Variants in PDE4D observed in about 807,000 individuals in gnomAD.
PDE4D encodes the protein phosphodiesterase 4D.
PDE4D carries 24 observed loss-of-function variants against 87.4 expected under a neutral mutation model. The ratio of observed to expected loss-of-function variants is 0.27; its 90% CI spans 0.20 to 0.39. The LOEUF is 0.39. Ranked by LOEUF, PDE4D falls within the 10% of genes least tolerant of loss-of-function variation. The pLI is 1.00. For missense variants in PDE4D, 714 were observed against 1,041.0 expected, an observed-to-expected ratio of 0.69 and a Z score of 4.32; for synonymous variants, 384 against 383.2, an observed-to-expected ratio of 1.00 and a Z score of -0.02.
chr5:60,489,452 T>C (rs539000243), upstream of PDE4D, among the ~76,000 whole-genome samples: 1 of 152,330 alleles, frequency 6.6e-6, no homozygotes, highest in South Asian at 2.1e-4. Context: ...TGCACTTTTT[T>C]TGGCTGTAGA....
At chr5:59,900,542 T>G (rs749380524) in intron 3 of PDE4D, among the ~76,000 whole-genome samples, 2 of 152,072 alleles carry the variant, frequency 1.3e-5, no homozygotes, top group Admixed American at 6.6e-5. Context: ...GAAATGTCTA[T>G]AAAATCATGG....
chr5:60,079,936 C>T (rs1773744824), intron 2 of PDE4D, among the ~76,000 whole-genome samples: 2 of 152,126 alleles, frequency 1.3e-5, no homozygotes, highest in African/African-American at 4.8e-5. Flanking sequence ...GTTTGATGGG[C>T]ATAGCTCTGA....
intron 2 of PDE4D, among the ~76,000 whole-genome samples, chr5:60,178,567 G>A (rs1308080660): frequency 6.6e-6 from 1 of 151,984 alleles, no homozygotes; most frequent in East Asian, 1.9e-4. Context: ...AGGTCTCTTG[G>A]TATGTTCAAA....
chr5:60,091,440 T>C (rs1272319709), intron 2 of PDE4D, among the ~76,000 whole-genome samples: 1 of 152,060 alleles, frequency 6.6e-6, no homozygotes, highest in Non-Finnish European at 1.5e-5. Context: ...TGATATATCA[T>C]CCCACCCCAG....
intron 1 of PDE4D, among the ~76,000 whole-genome samples, chr5:60,470,678 T>A (rs1463775770): frequency 6.6e-6 from 1 of 152,140 alleles, no homozygotes; most frequent in Non-Finnish European, 1.5e-5. Context: ...CTATATCAAC[T>A]CTGCCTGTGC....
intron 5 of PDE4D, among the ~76,000 whole-genome samples, chr5:59,164,139 A>G (rs1288774025): frequency 6.6e-6 from 1 of 152,274 alleles, no homozygotes; most frequent in Non-Finnish European, 1.5e-5. Flanking sequence ...TGTGTGCACA[A>G]TTAGGAATTT....
intron 1 of PDE4D, among the ~76,000 whole-genome samples, chr5:59,670,977 T>C (rs1257679117): frequency 1.3e-5 from 2 of 152,166 alleles, no homozygotes; most frequent in Non-Finnish European, 2.9e-5. Context: ...CCCATGCTAA[T>C]GAGAATTTTA....
intron 2 of PDE4D, among the ~76,000 whole-genome samples, chr5:59,200,688 CAT>C (rs3989118): frequency 0.035 from 3,243 of 91,830 alleles, 337 homozygotes; most frequent in African/African-American, 0.069. Flanking sequence ...CGTATACATA[CAT>C]ATGTGTATGT....
At chr5:59,649,904 C>CTTGTTTTTT (rs1561402852) in intron 1 of PDE4D, among the ~76,000 whole-genome samples, 2 of 73,960 alleles carry the variant, frequency 2.7e-5, no homozygotes, top group African/African-American at 1.0e-4. Context: ...AGTTTGTGAA[C>CTTGTTTTTT]CTTTTTTTTT....
In PDE4D at chr5:60,061,188, T is replaced by C. The variant is rs182582313; in HGVS notation, c.43-72471A>G. Among the ~76,000 whole-genome samples, 879 of 152,264 alleles carry C rather than the reference T, an allele frequency of 5.8e-3. 11 individuals are homozygous for C. The highest frequency in any genetic ancestry group is 0.02 in the African/African-American group (845 of 41,562). ...ATCCTATATTTAGAAAACCCCATTG[T>C]CTCAGCCCCAAATCTCCTTAAGCTG... On this transcript the variant is annotated intron_variant, in intron 2 of 16. Transcript: ENST00000502484.
intron 1 of PDE4D, among the ~76,000 whole-genome samples, chr5:59,518,480 G>C (rs566621153): frequency 1.3e-5 from 2 of 152,178 alleles, no homozygotes; most frequent in African/African-American, 4.8e-5. Context: ...GAGGGGGGCA[G>C]GACATGAGCA....
At chr5:59,309,315 TTCTTC>T (rs1772086803) in intron 1 of PDE4D, among the ~76,000 whole-genome samples, 1 of 152,176 alleles carries the variant, frequency 6.6e-6, no homozygotes, top group East Asian at 1.9e-4. Flanking sequence ...GCTAGAGATT[TTCTTC>T]TCCCTGTAGA....
intron 1 of PDE4D, among the ~76,000 whole-genome samples, chr5:60,354,258 A>C (rs1345998841): frequency 2.0e-5 from 3 of 152,188 alleles, no homozygotes; most frequent in Admixed American, 6.5e-5. Flanking sequence ...TTTTATTCCA[A>C]AGTAGCAGAT....
intron 6 of PDE4D, among the ~76,000 whole-genome samples, chr5:59,008,908 A>G (rs1466762801): frequency 6.6e-6 from 1 of 152,142 alleles, no homozygotes; most frequent in Non-Finnish European, 1.5e-5. Flanking sequence ...AAAGATGGTC[A>G]AAAGATTTGA....
chr5:59,369,754 C>A (rs1783662996), intron 1 of PDE4D, among the ~76,000 whole-genome samples: 1 of 152,054 alleles, frequency 6.6e-6, no homozygotes, highest in South Asian at 2.1e-4. Flanking sequence ...CAGAAAGCCC[C>A]CAGGTGCCTG....
intron 1 of PDE4D, among the ~76,000 whole-genome samples, chr5:60,308,493 ATAATAACAAATCTTTGG>A (rs1025872297): frequency 6.6e-6 from 1 of 152,184 alleles, no homozygotes; most frequent in Non-Finnish European, 1.5e-5. Flanking sequence ...TTAAAAACCA[ATAATAACAAATCTTTGG>A]TAATTGGTGG....
chr5:59,695,612 T>G (rs1423111208), intron 1 of PDE4D, among the ~76,000 whole-genome samples: 1 of 152,058 alleles, frequency 6.6e-6, no homozygotes, highest in Non-Finnish European at 1.5e-5. Flanking sequence ...TTATTCTATT[T>G]TTTTTCTTTT....
At chr5:59,726,430 G>C (rs1456100283) in intron 1 of PDE4D, among the ~76,000 whole-genome samples, 4 of 151,942 alleles carry the variant, frequency 2.6e-5, no homozygotes, top group African/African-American at 4.8e-5. Context: ...CATGAGGGTG[G>C]GGCCTGCAAT....
At chr5:59,392,065 T>G (rs1302009236) in intron 1 of PDE4D, among the ~76,000 whole-genome samples, 2 of 151,862 alleles carry the variant, frequency 1.3e-5, no homozygotes, top group Non-Finnish European at 2.9e-5. Flanking sequence ...GCTGTATTTT[T>G]TTTTACAGTA....
Sources: gnomAD v4.1 joint callset for allele counts (sites outside exome capture counted in the v4.1 genomes callset) on GRCh38, gnomAD v4.1.1 for gene constraint, MANE v1.5 for transcripts, NCBI Gene and HGNC (gene_info 2026-07-23, HGNC 2026-07-21) for gene names.